MACF1: variants seen among roughly 807,000 people sequenced by gnomAD.
The protein encoded by MACF1 is microtubule-actin cross-linking factor 1.
In MACF1, 193 loss-of-function variants were observed where a neutral mutation model predicts 854.8. The observed-to-expected ratio is 0.23, with a 90% CI of 0.20 to 0.25. The LOEUF is 0.25. Ranked by LOEUF, MACF1 falls within the 10% of genes least tolerant of loss-of-function variation. MACF1 has a pLI of 1.00. For synonymous variants in MACF1, 3,185 were observed against 3,226.7 expected (o/e 0.99, Z 0.44); for missense variants, 7,722 against 8,929.1 (o/e 0.86, Z 5.45).
rs559372243 is a variant in MACF1 at position 39,349,578 on chromosome 1, C to T, written c.10916C>T (p.Thr3639Ile). Residue 3639 changes from threonine (T) to isoleucine (I), a missense_variant, in exon 42 of 101, where the codon ACC (threonine) becomes ATC (isoleucine). This residue lies in a region of MACF1 where 2,807 missense variants were observed against 3,235.8 expected (regional missense o/e 0.87). Transcript: ENST00000564288. ...ERALAGHQGR[T>I]TQQDLSALQK... ...GCACTGGCAGGCCACCAAGGCAGAACCACCCAGCAGGATCTCTCTGCTTTG... is the reference window on the plus strand; with the variant it reads ...GCACTGGCAGGCCACCAAGGCAGAATCACCCAGCAGGATCTCTCTGCTTTG... 1 of 1,614,190 alleles carries T rather than the reference C, an allele frequency of 6.2e-7. No individual in the cohort carries two copies. Among genetic ancestry groups the T allele is most frequent in the African/African-American group, 1.3e-5 (1 of 75,058 alleles).
Position 39,370,106 on chromosome 1 carries a change from A to G in MACF1, c.13015A>G (p.Lys4339Glu), listed in dbSNP as rs1189743741. The G allele has an allele frequency of 1.2e-6, 2 of 1,614,160 alleles. No homozygotes were observed. The highest frequency in any genetic ancestry group is 3.3e-5 in the Admixed American group (2 of 60,026). ...GGTCAGGACCTTCCAGAAATGGTTG[A>G]AAGAAACTGAAGGGAGTATTCCACC... is the stretch of plus-strand genomic sequence containing the variant. ...KLVRTFQKWL[K>E]ETEGSIPPTE... The change falls in exon 51 of 101, where the codon AAA (lysine) becomes GAA (glutamate). Residue 4339 changes from lysine to glutamate, a missense_variant. Coordinates refer to ENST00000564288, the MANE Select transcript of MACF1 (RefSeq NM_001394062.1).
intron 58 of MACF1, among the ~76,000 whole-genome samples, chr1:39,403,688 T>C: frequency 6.6e-6 from 1 of 152,186 alleles, no homozygotes. Flanking sequence ...TTCACAGCCC[T>C]CTTCCTCATT....
At chr1:39,168,663 G>A (rs1643906898) in intron 2 of MACF1, among the ~76,000 whole-genome samples, 1 of 152,044 alleles carries the variant, frequency 6.6e-6, no homozygotes, top group African/African-American at 2.4e-5. Context: ...TATCAGCTGA[G>A]TGACCTGGGG....
chr1:39,292,006 G>T lies in MACF1; in HGVS notation c.1882G>T (p.Gly628Cys), dbSNP rs781062037. 2.3e-5 allele frequency: 37 copies of T among 1,613,922 alleles called. No homozygotes were observed. Among genetic ancestry groups the T allele is most frequent in the East Asian group, 4.5e-5 (2 of 44,884 alleles). The change falls in exon 16 of 101, where the codon GGC becomes TGC. Residue 628 changes from glycine to cysteine, a missense_variant. Transcript: ENST00000564288. ...CATCCATACGAGTGTAGAAGAGCTGGGCTCAAGTGTCAAGGAGGCCAGGTT... is the reference window on the plus strand; with the variant it reads ...CATCCATACGAGTGTAGAAGAGCTGTGCTCAAGTGTCAAGGAGGCCAGGTT... ...QHIHTSVEELGSSVKEARLYE... is the reference protein window; with the variant it reads ...QHIHTSVEELCSSVKEARLYE...
At chr1:39,477,112 CTTAGTGTATATATAT>C (rs1644916535) in intron 97 of MACF1, among the ~76,000 whole-genome samples, 14 of 83,362 alleles carry the variant, frequency 1.7e-4, no homozygotes, top group African/African-American at 6.0e-4. Flanking sequence ...CATATATACA[CTTAGTGTATATATAT>C]ATATATATAC....
intron 2 of MACF1, among the ~76,000 whole-genome samples, chr1:39,192,584 A>G (rs1348114783): frequency 6.6e-6 from 1 of 152,192 alleles, no homozygotes; most frequent in Non-Finnish European, 1.5e-5. Flanking sequence ...TTGTATAATG[A>G]AAGTTCCATG....
At position 39,450,610 on chromosome 1, in the gene MACF1, CT is replaced by C. The variant is rs11398407; in HGVS notation, c.20259-423del. Among the ~76,000 whole-genome samples the C allele has an allele frequency of 3.7e-3, 423 of 115,254 alleles. 1 individual carries two copies. In the East Asian group the frequency reaches 0.045, roughly 12 times the overall value. The allele number at this position is 115,254 out of a possible 152,430, so 75.6% of individuals were successfully genotyped here. ...CTCTCAGTCACTTTTTACTCTATTTCTTTTTTTTTTTTTTTTTTTGAGATGG... is the reference window on the plus strand; with the variant it reads ...CTCTCAGTCACTTTTTACTCTATTTCTTTTTTTTTTTTTTTTTTGAGATGG... On this transcript the variant is annotated intron_variant, in intron 84 of 100. Coordinates refer to ENST00000564288, the MANE Select transcript of MACF1 (RefSeq NM_001394062.1).
Position 39,306,391 on chromosome 1 carries a change from G to C in MACF1, c.2790-3179G>C, listed in dbSNP as rs1466710425. 8.5e-5 allele frequency among the ~76,000 whole-genome samples: 13 copies of C among 152,080 alleles called. 1 individual carries two copies. The highest frequency in any genetic ancestry group is 1.5e-4 in the Non-Finnish European group (10 of 68,024). On this transcript the variant is annotated intron_variant, in intron 23 of 100. Coordinates refer to ENST00000564288, the MANE Select transcript of MACF1 (RefSeq NM_001394062.1). ...GATCCACCCACCTCGGCCTCTCAAA[G>C]TGTTGGGATTACAGGCGTGAGCCAC...
chr1:39,374,365 T>G (rs1649531098), intron 52 of MACF1, among the ~76,000 whole-genome samples: 1 of 152,246 alleles, frequency 6.6e-6, no homozygotes, highest in Non-Finnish European at 1.5e-5. Context: ...ACTTAACGAG[T>G]AAAGGAAAAA....
intron 22 of MACF1, 99 bp from the exon 23 acceptor site, chr1:39,302,825 T>C: frequency 8.3e-7 from 1 of 1,206,334 alleles, no homozygotes. Flanking sequence ...CTTAAGCAGA[T>C]TTTTTTCTTA....
At chr1:39,314,579 A>G (rs1646374885) in intron 26 of MACF1, among the ~76,000 whole-genome samples, 1 of 150,204 alleles carries the variant, frequency 6.7e-6, no homozygotes, top group African/African-American at 2.5e-5. Flanking sequence ...TCACACACAC[A>G]CACACACACA....
chr1:39,320,672 G>GA (rs1424324724), intron 31 of MACF1, among the ~76,000 whole-genome samples: 1 of 152,104 alleles, frequency 6.6e-6, no homozygotes, highest in Non-Finnish European at 1.5e-5. Context: ...TATCTTTAAG[G>GA]AAAAATGACT....
At chr1:39,151,515 G>A (rs967064776) in intron 2 of MACF1, among the ~76,000 whole-genome samples, 3 of 152,178 alleles carry the variant, frequency 2.0e-5, no homozygotes, top group African/African-American at 7.2e-5. Flanking sequence ...TTCTTCCGAA[G>A]TAGAAAGCAC....
At chr1:39,212,237 G>A (rs186791616) in intron 1 of MACF1, among the ~76,000 whole-genome samples, 5 of 152,184 alleles carry the variant, frequency 3.3e-5, no homozygotes, top group Admixed American at 3.3e-4. Context: ...GGAATGGCTC[G>A]GATGACTCTA....
intron 5 of MACF1, among the ~76,000 whole-genome samples, chr1:39,255,566 C>G (rs74066722): frequency 0.03 from 4,568 of 152,254 alleles, 230 homozygotes; most frequent in African/African-American, 0.1. Context: ...TCTGTTTGCT[C>G]TCATAACAAT....
chr1:39,355,103 C>T (rs1184177089), intron 44 of MACF1, among the ~76,000 whole-genome samples: 1 of 152,214 alleles, frequency 6.6e-6, no homozygotes, highest in Non-Finnish European at 1.5e-5. Context: ...TACTTGTGTT[C>T]AGTGGCCTTT....
intron 2 of MACF1, among the ~76,000 whole-genome samples, chr1:39,153,126 A>G (rs1643617279): frequency 6.6e-6 from 1 of 152,180 alleles, no homozygotes; most frequent in Non-Finnish European, 1.5e-5. Context: ...TGACTGTTTC[A>G]ATATGCCTTT....
Position 39,422,824 on chromosome 1 carries a change from C to T in MACF1, c.16073C>T (p.Thr5358Ile), listed in dbSNP as rs1643590058. 3 of 1,614,010 alleles carry T rather than the reference C, an allele frequency of 1.9e-6. No individual in the cohort carries two copies. The highest frequency in any genetic ancestry group is 2.5e-6 in the Non-Finnish European group (3 of 1,180,010). The stretch of plus-strand genomic sequence containing the variant: ...CCATTGCTCAGCTGGTTGGCAGATA[C>T]CGAGGAGCTCATAGCCAATCAGAAA... Reference protein sequence around the residue: ...LEPLLSWLADTEELIANQKPP... With the variant: ...LEPLLSWLADIEELIANQKPP... Residue 5358 changes from threonine (T) to isoleucine (I), a missense_variant, in exon 60 of 101, where the codon ACC becomes ATC. Coordinates refer to ENST00000564288, the MANE Select transcript of MACF1 (RefSeq NM_001394062.1).
At chr1:39,443,647 A>G in intron 79 of MACF1, 73 bp downstream of exon 79, 1 of 1,423,582 alleles carries the variant, frequency 7.0e-7, no homozygotes, top group South Asian at 1.3e-5. Flanking sequence ...CACAGTCATA[A>G]TTAATATGTA....
Sources: gnomAD v4.1 joint callset for allele counts (sites outside exome capture counted in the v4.1 genomes callset) on GRCh38, gnomAD v4.1.1 for gene constraint, gnomAD v4.1.1 regional missense constraint, MANE v1.5 for transcripts, NCBI Gene and HGNC (gene_info 2026-07-23, HGNC 2026-07-21) for gene names.